The following DLGAP1 variants were observed in gnomAD, a reference collection of about 807,000 sequenced individuals.
DLGAP1 encodes the protein disks large-associated protein 1.
A neutral mutation model predicts 90.8 loss-of-function variants in DLGAP1; 11 were observed. The observed-to-expected ratio is 0.12, with a 90% CI of 0.08 to 0.20. The LOEUF is 0.20. Among genes scored for constraint, DLGAP1 ranks in the 10% least tolerant of loss-of-function variants. The pLI is 1.00. For missense variants in DLGAP1, 1,050 were observed against 1,333.8 expected (o/e 0.79, Z 3.31); for synonymous variants, 558 against 540.7 (o/e 1.03, Z -0.44).
intron 1 of DLGAP1, among the ~76,000 whole-genome samples, chr18:4,341,675 G>A (rs1413408987): frequency 6.6e-6 from 1 of 152,094 alleles, no homozygotes; most frequent in African/African-American, 2.4e-5. Flanking sequence ...AAGAAAAGCA[G>A]TCCTTACAGA....
chr18:4,432,491 T>A (rs1310382694), intron 1 of DLGAP1, among the ~76,000 whole-genome samples: 4 of 151,042 alleles, frequency 2.6e-5, no homozygotes, highest in African/African-American at 4.9e-5. Flanking sequence ...TAAATTTTTT[T>A]AAAAATTATA....
chr18:3,742,570 A>G, intron 5 of DLGAP1, 58 bp from the exon 6 acceptor site: 3 of 1,591,586 alleles, frequency 1.9e-6, no homozygotes, highest in South Asian at 2.2e-5. Flanking sequence ...AGGAAGCAAT[A>G]ACATGTGGCA....
intron 2 of DLGAP1, among the ~76,000 whole-genome samples, chr18:4,044,019 T>C (rs1485507403): frequency 6.6e-6 from 1 of 152,184 alleles, no homozygotes; most frequent in Admixed American, 6.5e-5. Flanking sequence ...TAAATGCAAA[T>C]TGGGTAATGT....
chr18:4,421,273 G>C (rs1046056003), intron 1 of DLGAP1, among the ~76,000 whole-genome samples: 12 of 151,796 alleles, frequency 7.9e-5, no homozygotes, highest in African/African-American at 2.9e-4. Context: ...TCTCTGCTCT[G>C]TCTTCACTTC....
At chr18:3,518,459 T>C (rs566835442) in intron 10 of DLGAP1, among the ~76,000 whole-genome samples, 39 of 152,110 alleles carry the variant, frequency 2.6e-4, no homozygotes, top group African/African-American at 8.4e-4. Flanking sequence ...AATGAGCATA[T>C]GCTTTTGAAA....
At chr18:4,306,482 A>G (rs1169872267) in intron 1 of DLGAP1, among the ~76,000 whole-genome samples, 4 of 151,712 alleles carry the variant, frequency 2.6e-5, no homozygotes, top group African/African-American at 9.7e-5. Context: ...AGAGACAGAC[A>G]GAGAAGAAAA....
intron 7 of DLGAP1, among the ~76,000 whole-genome samples, chr18:3,587,762 G>T (rs568451878): frequency 2.4e-4 from 36 of 152,162 alleles, no homozygotes; most frequent in African/African-American, 7.9e-4. Context: ...CTAACCCACC[G>T]GGAGGAACAA....
intron 4 of DLGAP1, chr18:3,845,417 C>A: frequency 1.5e-6 from 2 of 1,368,402 alleles, no homozygotes; most frequent in Non-Finnish European, 9.5e-7. Flanking sequence ...TTGGTCATGG[C>A]TCACAACTCA....
rs574112556 is a variant in DLGAP1, at chr18:3,727,868, C to G, written c.1591+1267G>C. The stretch of plus-strand genomic sequence containing the variant: ...GCCAGCCAGGGTCTGAGCTGCTGGG[C>G]TCCCTGCTGAGCTGCTTGGCCAACG... On this transcript the variant is annotated intron_variant, in intron 7 of 12. Transcript: ENST00000315677. The surrounding 1 kb of genome is among the most constrained non-coding windows in gnomAD (Gnocchi z 4.7). 6.6e-6 allele frequency: 1 copy of G among 152,220 alleles called. No homozygotes were observed. The highest frequency in any genetic ancestry group is 1.5e-5 in the Non-Finnish European group (1 of 68,034). 9.4% of individuals were successfully genotyped at this position (152,220 alleles called of 1,614,324 possible). A position where few individuals can be genotyped will look rare whatever the true frequency, so the allele number is the denominator to read the frequency against.
chr18:4,286,727 C>T (rs1247271120), intron 1 of DLGAP1, among the ~76,000 whole-genome samples: 3 of 152,132 alleles, frequency 2.0e-5, no homozygotes, highest in African/African-American at 7.2e-5. Context: ...GCAGAAACCT[C>T]TGCCTTATCA....
chr18:3,968,955 T>G (rs1357946392), intron 3 of DLGAP1, among the ~76,000 whole-genome samples: 1 of 152,122 alleles, frequency 6.6e-6, no homozygotes, highest in East Asian at 1.9e-4. Context: ...CGGCATTCTT[T>G]CTCCAACTTT....
At chr18:3,570,377 C>T (rs1344707149) in intron 8 of DLGAP1, among the ~76,000 whole-genome samples, 1 of 151,390 alleles carries the variant, frequency 6.6e-6, no homozygotes. Flanking sequence ...CTCCCGGGTT[C>T]AAGTGATTCT....
At chr18:4,035,018 T>A (rs570918078) in intron 2 of DLGAP1, among the ~76,000 whole-genome samples, 8 of 152,362 alleles carry the variant, frequency 5.3e-5, no homozygotes, top group African/African-American at 1.7e-4. Flanking sequence ...CATCCTTTTT[T>A]ATGGCTGCAT....
intron 4 of DLGAP1, among the ~76,000 whole-genome samples, chr18:3,842,526 T>A (rs550385259): frequency 1.3e-5 from 2 of 151,432 alleles, no homozygotes; most frequent in African/African-American, 4.8e-5. Context: ...ATGATGGAGG[T>A]TTAACTGGGA....
chr18:3,628,778 T>A lies in DLGAP1; in HGVS notation c.1592-46530A>T, dbSNP rs539519148. On this transcript the variant is annotated intron_variant, in intron 7 of 12. Coordinates refer to ENST00000315677, the MANE Select transcript of DLGAP1 (RefSeq NM_004746.4). ...TTTGTATTTTGCTTCTTTTACTTAATGTTGTGGGTTGATTCACCTATATTG... is the reference window on the plus strand; with the variant it reads ...TTTGTATTTTGCTTCTTTTACTTAAAGTTGTGGGTTGATTCACCTATATTG... 2.0e-5 allele frequency among the ~76,000 whole-genome samples: 3 copies of A among 152,358 alleles called. No homozygotes were observed. The South Asian group carries it at 6.2e-4, about 32-fold the overall frequency.
chr18:3,543,623 A>G (rs1230907182), intron 9 of DLGAP1, among the ~76,000 whole-genome samples: 5 of 152,240 alleles, frequency 3.3e-5, no homozygotes, highest in Non-Finnish European at 7.3e-5. Context: ...TGAACTTACT[A>G]TATTATCTGA....
At chr18:3,737,576 C>T (rs1490529607) in intron 6 of DLGAP1, among the ~76,000 whole-genome samples, 3 of 151,276 alleles carry the variant, frequency 2.0e-5, no homozygotes, top group Admixed American at 6.6e-5. Flanking sequence ...TTCAACAAGC[C>T]TTCATGCTAA....
intron 2 of DLGAP1, among the ~76,000 whole-genome samples, chr18:4,013,150 C>T (rs1014351880): frequency 1.3e-5 from 2 of 152,106 alleles, no homozygotes; most frequent in Non-Finnish European, 1.5e-5. Context: ...TCTGAATGTT[C>T]GTTTTAGCCC....
intron 2 of DLGAP1, among the ~76,000 whole-genome samples, chr18:4,054,983 G>A (rs1470859693): frequency 1.3e-5 from 2 of 152,156 alleles, no homozygotes; most frequent in African/African-American, 4.8e-5. Context: ...TATTTAAACT[G>A]AGGTATTATT....
Sources: gnomAD v4.1 joint callset for allele counts (sites outside exome capture counted in the v4.1 genomes callset) on GRCh38, gnomAD v4.1.1 for gene constraint, Gnocchi (gnomAD v3.1) non-coding constraint, MANE v1.5 for transcripts, NCBI Gene and HGNC (gene_info 2026-07-23, HGNC 2026-07-21) for gene names.